The following TAMALIN variants were observed in gnomAD, a reference collection of about 807,000 sequenced individuals.
The protein encoded by TAMALIN is trafficking regulator and scaffold protein tamalin.
A neutral mutation model predicts 38.5 loss-of-function variants in TAMALIN; 9 were observed. The observed-to-expected ratio is 0.23, with a 90% confidence interval of 0.14 to 0.41. The LOEUF is 0.41. TAMALIN is among the 10% of genes least tolerant of loss of function. The pLI is 1.00. For missense variants in TAMALIN, 548 were observed against 554.1 expected (o/e 0.99, Z 0.11); for synonymous variants, 306 against 256.5 (o/e 1.19, Z -1.85).
intron 6 of TAMALIN, 27 bp downstream of exon 6, chr12:52,013,970 C>T (rs1202412770): frequency 6.2e-7 from 1 of 1,608,122 alleles, no homozygotes; most frequent in East Asian, 2.2e-5. Flanking sequence ...AACGTCCAGC[C>T]TCCACCCTCC....
chr12:52,014,556 C>T (rs1430167022), intron 7 of TAMALIN, 138 bp from the exon 8 acceptor site: 6 of 665,942 alleles, frequency 9.0e-6, no homozygotes, highest in Non-Finnish European at 1.5e-5. Flanking sequence ...AGTAGGGTCT[C>T]AGGTTTGTGC....
Position 52,007,740 on chromosome 12 carries a change from G to T in TAMALIN, c.246+475G>T, listed in dbSNP as rs901914525. ...AAGTGCGTGGGGAGCCGCTGACTCC[G>T]GATAGCACACCCTTCCGAGGGGACT... On this transcript the variant is annotated intron_variant, in intron 1 of 7. Coordinates refer to ENST00000293662, the MANE Select transcript of TAMALIN (RefSeq NM_181711.4). The surrounding 1 kb of genome is among the most constrained non-coding windows in gnomAD (Gnocchi z 6.7). 4 of 985,320 alleles carry T rather than the reference G, an allele frequency of 4.1e-6. No individual in the cohort carries two copies. The African/African-American group carries it at 7.0e-5, about 17-fold the overall frequency. 61.0% of individuals were successfully genotyped at this position (985,320 alleles called of 1,614,324 possible).
In TAMALIN at chr12:52,011,458, AGCAACCCTG is replaced by A; in HGVS notation, c.454+321_454+329del. The A allele has an allele frequency of 1.7e-6, 1 of 576,858 alleles. No homozygotes were observed. Among genetic ancestry groups the A allele is most frequent in the South Asian group, 2.1e-5 (1 of 48,152 alleles). 35.7% of individuals were successfully genotyped at this position (576,858 alleles called of 1,614,324 possible). A position where few individuals can be genotyped will look rare whatever the true frequency, so the allele number is the denominator to read the frequency against. ...TGCTGCTGCTGCTCTGATTCCTCCCAGCAACCCTGGCAGTCAGCATGGGCAGGAGCCAGG... is the reference window on the plus strand; with the variant it reads ...TGCTGCTGCTGCTCTGATTCCTCCCAGCAGTCAGCATGGGCAGGAGCCAGG... On this transcript the variant is annotated intron_variant, in intron 4 of 7. Coordinates refer to ENST00000293662, the MANE Select transcript of TAMALIN (RefSeq NM_181711.4). This position sits in a 1 kb window ranked among gnomAD's most constrained non-coding sequence, Gnocchi z 5.3.
In TAMALIN at chr12:52,014,173, A is replaced by C; in HGVS notation, c.654A>C (p.Leu218=). 3.1e-6 allele frequency: 5 copies of C among 1,604,150 alleles called. No homozygotes were observed. Among genetic ancestry groups the C allele is most frequent in the Non-Finnish European group, 4.3e-6 (5 of 1,175,192 alleles). The change falls in exon 7 of 8, where the codon CTA becomes CTC. Residue 218 remains leucine (L), a synonymous_variant. Transcript: ENST00000293662. ...LYEKWGEYRS[L]MVQEQRLVHG... ...AGAAGTGGGGAGAGTACAGGTCCCTAATGGTGCAGGAGCAGCGGCTGGTGC... is the reference window on the plus strand; with the variant it reads ...AGAAGTGGGGAGAGTACAGGTCCCTCATGGTGCAGGAGCAGCGGCTGGTGC...
intron 2 of TAMALIN, 121 bp downstream of exon 2, chr12:52,009,360 T>TC: frequency 1.1e-6 from 1 of 941,644 alleles, no homozygotes; most frequent in East Asian, 2.5e-5. Flanking sequence ...TAAACATGGC[T>TC]CCCCCGCTGG....
Position 52,007,141 on chromosome 12 carries a change from C to A in TAMALIN, c.122C>A (p.Pro41His). 1 of 1,488,732 alleles carries A rather than the reference C, an allele frequency of 6.7e-7. No homozygotes were observed. The highest frequency in any genetic ancestry group is 8.9e-7 in the Non-Finnish European group (1 of 1,127,758). 92.2% of individuals were successfully genotyped at this position (1,488,732 alleles called of 1,614,324 possible). A position where few individuals can be genotyped will look rare whatever the true frequency, so the allele number is the denominator to read the frequency against. The stretch of plus-strand genomic sequence containing the variant: ...GCCGCTCCGGTCCCGACCCCGGGAC[C>A]CCCTGCCGCAGCCGCCACCCCTGGG... ...APAAPVPTPGPPAAAATPGPP... is the reference protein window; with the variant it reads ...APAAPVPTPGHPAAAATPGPP... Residue 41 changes from proline to histidine, a missense_variant, in exon 1 of 8, where the codon CCC (proline) becomes CAC (histidine). By Grantham distance (77) the Pro-to-His change is moderately conservative (BLOSUM62 -2). Transcript: ENST00000293662. The surrounding 1 kb of genome is among the most constrained non-coding windows in gnomAD (Gnocchi z 6.7).
chr12:52,014,356 C>A, intron 7 of TAMALIN, 155 bp downstream of exon 7: 1 of 682,010 alleles, frequency 1.5e-6, no homozygotes, highest in Non-Finnish European at 2.6e-6. Flanking sequence ...ACTTTGGGTA[C>A]TGCCGCAGCC....
intron 4 of TAMALIN, among the ~76,000 whole-genome samples, chr12:52,012,744 TA>T (rs899304009): frequency 2.0e-5 from 3 of 152,210 alleles, no homozygotes; most frequent in Non-Finnish European, 4.4e-5. Flanking sequence ...CAGGGATCCA[TA>T]CCCCTTTTTA....
chr12:52,011,500 C>CA lies in TAMALIN; in HGVS notation c.454+361dup. 1 of 546,942 alleles carries CA rather than the reference C, an allele frequency of 1.8e-6. No individual in the cohort carries two copies. The highest frequency in any genetic ancestry group is 2.2e-5 in the South Asian group (1 of 44,942). 33.9% of individuals were successfully genotyped at this position (546,942 alleles called of 1,614,324 possible). A position where few individuals can be genotyped will look rare whatever the true frequency, so the allele number is the denominator to read the frequency against. On this transcript the variant is annotated intron_variant, in intron 4 of 7. Transcript: ENST00000293662. The surrounding 1 kb of genome is among the most constrained non-coding windows in gnomAD (Gnocchi z 5.3). The stretch of plus-strand genomic sequence containing the variant: ...GCATGGGCAGGAGCCAGGGAAGAAG[C>CA]AACATTCCATTAAGTCTGTTTGATA...
chr12:52,014,017 A>C (rs1465939340), intron 6 of TAMALIN, 74 bp downstream of exon 6: 9 of 1,559,754 alleles, frequency 5.8e-6, no homozygotes, highest in African/African-American at 1.4e-5. Context: ...GGTCACTTAC[A>C]GCTGAATCTC....
At chr12:52,008,794 A>G in intron 1 of TAMALIN, 1 of 978,752 alleles carries the variant, frequency 1.0e-6, no homozygotes, top group African/African-American at 1.7e-5. Flanking sequence ...TCTGAATCCC[A>G]CTGGGGAAGA....
chr12:52,010,695 C>G, intron 2 of TAMALIN, 186 bp from the exon 3 acceptor site: 1 of 902,576 alleles, frequency 1.1e-6, no homozygotes, highest in Admixed American at 2.5e-5. Flanking sequence ...CTCTGTGGCT[C>G]CATGAGGCTG....
intron 4 of TAMALIN, among the ~76,000 whole-genome samples, chr12:52,013,164 G>A (rs1220034007): frequency 1.4e-5 from 2 of 141,556 alleles, no homozygotes; most frequent in Non-Finnish European, 3.0e-5. Flanking sequence ...TGCAAGCTCC[G>A]CCTCCCGGGT....
Position 52,015,350 on chromosome 12 carries a change from T to G in TAMALIN, c.*151T>G, listed in dbSNP as rs1592275129. 1 of 959,998 alleles carries G rather than the reference T, an allele frequency of 1.0e-6. No homozygotes were observed. The highest frequency in any genetic ancestry group is 1.5e-6 in the Non-Finnish European group (1 of 687,866). 59.5% of individuals were successfully genotyped at this position (959,998 alleles called of 1,614,324 possible). A position where few individuals can be genotyped will look rare whatever the true frequency, so the allele number is the denominator to read the frequency against. ...GCCCGCCGGGTCGGTTCCTGGCTGG[T>G]GTCTGCTGAGGGAGTGGGGGGCCCA... is the stretch of plus-strand genomic sequence containing the variant. On this transcript the variant is annotated 3_prime_UTR_variant, in exon 8 of 8. Transcript: ENST00000293662.
At position 52,013,898 on chromosome 12, in the gene TAMALIN, A is replaced by G; in HGVS notation, c.570A>G (p.Thr190=). Residue 190 remains threonine (T), a synonymous_variant, in exon 6 of 8, where the codon ACA becomes ACG. Coordinates refer to ENST00000293662, the MANE Select transcript of TAMALIN (RefSeq NM_181711.4). The stretch of plus-strand genomic sequence containing the variant: ...TCAGACTGGAAACTCTATATGGGAC[A>G]TCAATTCGGAAGGCAGAACTGGAGG... ...NVLRLETLYG[T]SIRKAELEAR... The G allele has an allele frequency of 1.2e-6, 2 of 1,614,156 alleles. No homozygotes were observed. Among genetic ancestry groups the G allele is most frequent in the African/African-American group, 1.3e-5 (1 of 75,036 alleles).
At position 52,007,668 on chromosome 12, in the gene TAMALIN, G is replaced by A; in HGVS notation, c.246+403G>A. 1.0e-6 allele frequency: 1 copy of A among 985,420 alleles called. No homozygotes were observed. Among genetic ancestry groups the A allele is most frequent in the African/African-American group, 1.7e-5 (1 of 57,360 alleles). The allele number at this position is 985,420 out of a possible 1,614,324, so 61.0% of individuals were successfully genotyped here. On this transcript the variant is annotated intron_variant, in intron 1 of 7. Coordinates refer to ENST00000293662, the MANE Select transcript of TAMALIN (RefSeq NM_181711.4). The surrounding 1 kb of genome is among the most constrained non-coding windows in gnomAD (Gnocchi z 6.7). Reference sequence around the variant, plus strand: ...AGTTGAAGGTCCGAGAGCCCCCGGTGGGAGAAGCGGGCCGGTGGCTGCGCC... The same window carrying A: ...AGTTGAAGGTCCGAGAGCCCCCGGTAGGAGAAGCGGGCCGGTGGCTGCGCC...
chr12:52,014,535 C>T, intron 7 of TAMALIN, 159 bp from the exon 8 acceptor site: 1 of 617,824 alleles, frequency 1.6e-6, no homozygotes, highest in Non-Finnish European at 2.8e-6. Context: ...TCCTGATTTG[C>T]GGGTGAGGGA....
At position 52,014,932 on chromosome 12, in the gene TAMALIN, C is replaced by A; in HGVS notation, c.921C>A (p.Ala307=). The stretch of plus-strand genomic sequence containing the variant: ...CGCCCCCGCCGCCCCCGGCCCGCGC[C>A]TTCGGCCCGGGCCCCGCCGAGACCC... ...ALPPPPPPAR[A]FGPGPAETPA... The change falls in exon 8 of 8, where the codon GCC becomes GCA. Residue 307 remains alanine (A), a synonymous_variant. Coordinates refer to ENST00000293662, the MANE Select transcript of TAMALIN (RefSeq NM_181711.4). 9.7e-7 allele frequency: 1 copy of A among 1,032,864 alleles called. No homozygotes were observed. The highest frequency in any genetic ancestry group is 3.9e-5 in the South Asian group (1 of 25,478). 64.0% of individuals were successfully genotyped at this position (1,032,864 alleles called of 1,614,324 possible).
chr12:52,015,094 C>T lies in TAMALIN; in HGVS notation c.1083C>T (p.Cys361=), dbSNP rs760832588. ...CTGAGGCTCGCGAGCAGGCCCTATGCGGCCCCGGCCTGCGCAAAACCAAGT... is the reference window on the plus strand; with the variant it reads ...CTGAGGCTCGCGAGCAGGCCCTATGTGGCCCCGGCCTGCGCAAAACCAAGT... ...LWTEAREQAL[C]GPGLRKTKYR... Residue 361 remains cysteine (C), a synonymous_variant, in exon 8 of 8, where the codon TGC becomes TGT. Coordinates refer to ENST00000293662, the MANE Select transcript of TAMALIN (RefSeq NM_181711.4). 2 of 1,549,060 alleles carry T rather than the reference C, an allele frequency of 1.3e-6. No homozygotes were observed. Among genetic ancestry groups the T allele is most frequent in the Non-Finnish European group, 1.7e-6 (2 of 1,155,870 alleles).
Sources: gnomAD v4.1 joint callset for allele counts (sites outside exome capture counted in the v4.1 genomes callset) on GRCh38, gnomAD v4.1.1 for gene constraint, Gnocchi (gnomAD v3.1) non-coding constraint, MANE v1.5 for transcripts, NCBI Gene and HGNC (gene_info 2026-07-23, HGNC 2026-07-21) for gene names.